Variants in DRC11L observed in about 807,000 individuals in gnomAD.
The protein encoded by DRC11L is dynein regulatory complex subunit 11 like, also known as dynein regulatory complex subunit like-11.
At chr7:151,199,857 A>G in the DRC11L span, among the ~76,000 whole-genome samples, 1 of 152,222 alleles carries the variant, frequency 6.6e-6, no homozygotes, top group Non-Finnish European at 1.5e-5. This position sits in a 1 kb window ranked among gnomAD's most constrained non-coding sequence, Gnocchi z 5.2. Flanking sequence ...CAGCTGGGTG[A>G]GAGGACAGAG....
chr7:151,193,355 T>A, the DRC11L span: 1 of 399,620 alleles, frequency 2.5e-6, no homozygotes, highest in South Asian at 1.3e-4. Flanking sequence ...CAGCAGGTTT[T>A]CCGGCGACAG....
chr7:151,197,999 T>C, the DRC11L span: 15 of 386,584 alleles, frequency 3.9e-5, no homozygotes, highest in African/African-American at 1.9e-4. Flanking sequence ...GGTAGAAGGG[T>C]TGGTGGATGG....
At chr7:151,204,384 C>T in the DRC11L span, 10 of 265,692 alleles carry the variant, frequency 3.8e-5, no homozygotes, top group Non-Finnish European at 6.3e-5. Context: ...CCCATCCCTA[C>T]CCCACCCGAC....
At chr7:151,201,323 C>CT in the DRC11L span, among the ~76,000 whole-genome samples, 1 of 152,242 alleles carries the variant, frequency 6.6e-6, no homozygotes, top group East Asian at 1.9e-4. This position sits in a 1 kb window ranked among gnomAD's most constrained non-coding sequence, Gnocchi z 4.1. Context: ...CTGGATGACT[C>CT]TAAGACCAGC....
chr7:151,193,436 C>A, the DRC11L span: 1 of 399,322 alleles, frequency 2.5e-6, no homozygotes, highest in East Asian at 3.6e-5. Context: ...GCCAGAGGGG[C>A]CCACCAGGAG....
chr7:151,195,006 G>A, the DRC11L span, among the ~76,000 whole-genome samples: 1 of 152,168 alleles, frequency 6.6e-6, no homozygotes, highest in African/African-American at 2.4e-5. Context: ...AGCAGCTGAC[G>A]TCAAGTCGCT....
At chr7:151,204,580 C>G in the DRC11L span, 1 of 398,992 alleles carries the variant, frequency 2.5e-6, no homozygotes, top group Non-Finnish European at 4.4e-6. Context: ...CGCACCAGCT[C>G]GTCCTTGAGC....
chr7:151,200,185 A>G, the DRC11L span, among the ~76,000 whole-genome samples: 1 of 152,200 alleles, frequency 6.6e-6, no homozygotes, highest in South Asian at 2.1e-4. Flanking sequence ...CCGGATTTCT[A>G]CAAGAAAAAG....
the DRC11L span, chr7:151,192,506 G>C: frequency 5.0e-6 from 2 of 398,670 alleles, no homozygotes; most frequent in Admixed American, 8.8e-5. Context: ...GTGGCCCAGC[G>C]TATGGGGCTC....
chr7:151,198,530 C>T, the DRC11L span, among the ~76,000 whole-genome samples: 1 of 152,098 alleles, frequency 6.6e-6, no homozygotes, highest in Non-Finnish European at 1.5e-5. Context: ...AGGGGGCATC[C>T]ATGGGTGCTT....
the DRC11L span, chr7:151,192,313 G>T: frequency 2.5e-6 from 1 of 399,112 alleles, no homozygotes; most frequent in Non-Finnish European, 4.4e-6. Flanking sequence ...GCATGAAGAG[G>T]ATCCGCTCGT....
At chr7:151,200,005 G>A in the DRC11L span, among the ~76,000 whole-genome samples, 3 of 152,234 alleles carry the variant, frequency 2.0e-5, no homozygotes, top group Non-Finnish European at 2.9e-5. Context: ...GTGTCTCCCC[G>A]TGGCTGCCAG....
At chr7:151,198,659 G>C in the DRC11L span, 1 of 396,458 alleles carries the variant, frequency 2.5e-6, no homozygotes, top group Non-Finnish European at 4.4e-6. Context: ...AGTGTGTTGG[G>C]GACCTGGGGG....
chr7:151,203,519 G>A, the DRC11L span: 1 of 399,118 alleles, frequency 2.5e-6, no homozygotes, highest in Non-Finnish European at 4.4e-6. Flanking sequence ...GTCAGCCTTT[G>A]GAGCAATGTT....
chr7:151,195,374 T>C, the DRC11L span: 2 of 398,936 alleles, frequency 5.0e-6, no homozygotes, highest in Admixed American at 4.4e-5. Flanking sequence ...GTCCCTGGAC[T>C]GGGACTTACT....
At chr7:151,192,503 A>G in the DRC11L span, 4 of 398,658 alleles carry the variant, frequency 1.0e-5, no homozygotes, top group Admixed American at 8.8e-5. Flanking sequence ...ACAGTGGCCC[A>G]GCGTATGGGG....
the DRC11L span, chr7:151,190,939 G>T: frequency 2.5e-6 from 1 of 399,604 alleles, no homozygotes; most frequent in Non-Finnish European, 4.4e-6. Context: ...CCACTGCCCT[G>T]TCCCACGCCA....
At chr7:151,201,000 C>T in the DRC11L span, among the ~76,000 whole-genome samples, 1 of 152,012 alleles carries the variant, frequency 6.6e-6, no homozygotes, top group East Asian at 1.9e-4. Context: ...GAGCTGGACC[C>T]GTCCTCTTTC....
the DRC11L span, chr7:151,195,286 T>A: frequency 5.0e-6 from 2 of 397,122 alleles, no homozygotes; most frequent in African/African-American, 4.1e-5. Flanking sequence ...AGGTACTTGG[T>A]GAACGAGGCC....
Sources: gnomAD v4.1 joint callset for allele counts (sites outside exome capture counted in the v4.1 genomes callset) on GRCh38, gnomAD v4.1.1 for gene constraint, Gnocchi (gnomAD v3.1) non-coding constraint, MANE v1.5 for transcripts, NCBI Gene and HGNC (gene_info 2026-07-23, HGNC 2026-07-21) for gene names.